Variants in PGCKA1 observed in about 807,000 individuals in gnomAD.
The protein encoded by PGCKA1 is PDCD10 and GCKIII kinases associated 1.
At chr4:37,497,540 C>G in the PGCKA1 span, among the ~76,000 whole-genome samples, 1 of 152,180 alleles carries the variant, frequency 6.6e-6, no homozygotes, top group East Asian at 1.9e-4. Flanking sequence ...ATGCCAACAT[C>G]TACTGTTTTT....
chr4:37,516,349 G>A, the PGCKA1 span, among the ~76,000 whole-genome samples: 5 of 152,204 alleles, frequency 3.3e-5, no homozygotes, highest in South Asian at 2.1e-4. Context: ...AGTACTGACC[G>A]AAATCGATGT....
the PGCKA1 span, among the ~76,000 whole-genome samples, chr4:37,506,589 A>T: frequency 2.7e-5 from 4 of 148,658 alleles, no homozygotes; most frequent in Non-Finnish European, 3.0e-5. Context: ...TTCCAAAATT[A>T]CTTTTTTTTT....
At chr4:37,571,355 CTTTTTTTTTT>C in the PGCKA1 span, among the ~76,000 whole-genome samples, 1 of 78,038 alleles carries the variant, frequency 1.3e-5, no homozygotes, top group African/African-American at 5.8e-5. Context: ...GACTATTATC[CTTTTTTTTTT>C]TTTTTTTTTT....
chr4:37,576,951 G>T, the PGCKA1 span, among the ~76,000 whole-genome samples: 4 of 151,984 alleles, frequency 2.6e-5, no homozygotes, highest in East Asian at 7.7e-4. Flanking sequence ...CATAATGAAT[G>T]ATCTTTTTAA....
At chr4:37,491,644 T>C in the PGCKA1 span, among the ~76,000 whole-genome samples, 8 of 152,226 alleles carry the variant, frequency 5.3e-5, no homozygotes, top group African/African-American at 1.7e-4. Context: ...TTCACAATGA[T>C]ATCCCTTGGT....
the PGCKA1 span, among the ~76,000 whole-genome samples, chr4:37,497,821 T>A: frequency 6.6e-6 from 1 of 152,192 alleles, no homozygotes. Context: ...TTTCTCCCAC[T>A]CTGTGGGTTG....
At chr4:37,511,835 T>C in the PGCKA1 span, among the ~76,000 whole-genome samples, 2 of 152,136 alleles carry the variant, frequency 1.3e-5, no homozygotes, top group Admixed American at 6.5e-5. Context: ...GGCCTACTGC[T>C]CCTAAAGAGA....
At chr4:37,490,421 C>T in the PGCKA1 span, among the ~76,000 whole-genome samples, 2,861 of 152,146 alleles carry the variant, frequency 0.019, 118 homozygotes, top group African/African-American at 0.066. Flanking sequence ...GTACTAGAAA[C>T]GTGTAGGAGT....
At chr4:37,582,691 G>C in the PGCKA1 span, among the ~76,000 whole-genome samples, 1 of 152,204 alleles carries the variant, frequency 6.6e-6, no homozygotes, top group Non-Finnish European at 1.5e-5. Context: ...TAAGTTCTCA[G>C]TGCATCCTAT....
chr4:37,589,572 T>C, the PGCKA1 span, among the ~76,000 whole-genome samples: 1 of 152,226 alleles, frequency 6.6e-6, no homozygotes, highest in African/African-American at 2.4e-5. Flanking sequence ...CTTTGTATTT[T>C]ACTTCACCCC....
chr4:37,579,262 G>T, the PGCKA1 span, among the ~76,000 whole-genome samples: 8 of 152,070 alleles, frequency 5.3e-5, 1 homozygote, highest in African/African-American at 1.9e-4. Context: ...ATTTATGATT[G>T]GTTCATCTTT....
At chr4:37,522,258 A>G in the PGCKA1 span, among the ~76,000 whole-genome samples, 1 of 152,138 alleles carries the variant, frequency 6.6e-6, no homozygotes, top group Non-Finnish European at 1.5e-5. Flanking sequence ...CTGGTGTTCT[A>G]TTGTACTGTG....
At chr4:37,546,951 C>A in the PGCKA1 span, among the ~76,000 whole-genome samples, 1 of 152,266 alleles carries the variant, frequency 6.6e-6, no homozygotes, top group Non-Finnish European at 1.5e-5. Context: ...CTTGCCCACT[C>A]CATTTGAGTG....
chr4:37,576,594 T>C, the PGCKA1 span, among the ~76,000 whole-genome samples: 6 of 152,162 alleles, frequency 3.9e-5, no homozygotes, highest in Non-Finnish European at 8.8e-5. Flanking sequence ...CTGATTGCTC[T>C]AGCTAGGACT....
the PGCKA1 span, chr4:37,588,490 G>T: frequency 0.033 from 6,003 of 179,930 alleles, 135 homozygotes; most frequent in Non-Finnish European, 0.05. Flanking sequence ...TGAGGTTCCT[G>T]TGTCCTCTGT....
chr4:37,590,852 T>C, the PGCKA1 span: 1 of 1,614,214 alleles, frequency 6.2e-7, no homozygotes, highest in South Asian at 1.1e-5. Flanking sequence ...GCCATGCCTG[T>C]GGTTGACTCA....
chr4:37,490,221 C>A, the PGCKA1 span, among the ~76,000 whole-genome samples: 5 of 152,024 alleles, frequency 3.3e-5, no homozygotes, highest in Non-Finnish European at 4.4e-5. Flanking sequence ...GTATTAATAT[C>A]CCCCAATTTA....
chr4:37,542,681 T>C, the PGCKA1 span, among the ~76,000 whole-genome samples: 1 of 152,236 alleles, frequency 6.6e-6, no homozygotes, highest in Non-Finnish European at 1.5e-5. Context: ...AATTTTAATG[T>C]ATTTAATTTT....
At chr4:37,568,339 C>T in the PGCKA1 span, among the ~76,000 whole-genome samples, 1 of 152,116 alleles carries the variant, frequency 6.6e-6, no homozygotes, top group Admixed American at 6.6e-5. Flanking sequence ...ACCAGGAGGC[C>T]CAGGGTTGCC....
Sources: gnomAD v4.1 joint callset for allele counts (sites outside exome capture counted in the v4.1 genomes callset) on GRCh38, gnomAD v4.1.1 for gene constraint, MANE v1.5 for transcripts, NCBI Gene and HGNC (gene_info 2026-07-23, HGNC 2026-07-21) for gene names.